Variants in SMAD5 observed in about 807,000 individuals in gnomAD.
SMAD5 encodes MAD, mothers against decapentaplegic homolog 5.
SMAD5 carries 9 observed loss-of-function variants against 43.1 expected under a neutral mutation model. That is an observed-to-expected ratio of 0.21 (90% confidence interval 0.13 to 0.36). The LOEUF is 0.36. Ranked by LOEUF, SMAD5 falls within the 10% of genes least tolerant of loss-of-function variation. SMAD5 has a pLI of 1.00. For missense variants in SMAD5, 348 were observed against 574.0 expected, an observed-to-expected ratio of 0.61 and a Z score of 4.02; for synonymous variants, 190 against 192.4, an observed-to-expected ratio of 0.99 and a Z score of 0.10.
chr5:136,150,984 G>A lies in SMAD5; in HGVS notation c.-169-2608G>A, dbSNP rs576889998. Among the ~76,000 whole-genome samples, 22 of 152,170 alleles carry A rather than the reference G, an allele frequency of 1.4e-4. No individual in the cohort carries two copies. The South Asian group carries it at 4.3e-3, about 30-fold the overall frequency. ...CAAGCCTATAATGCCATCAACTTGG[G>A]AGACTGAGTCTGGTGTGTTTCATTT... On this transcript the variant is annotated intron_variant, in intron 2 of 7. Coordinates refer to ENST00000545279, the MANE Select transcript of SMAD5 (RefSeq NM_005903.7).
intron 5 of SMAD5, among the ~76,000 whole-genome samples, chr5:136,167,719 A>G (rs1031553956): frequency 2.7e-5 from 4 of 150,916 alleles, no homozygotes; most frequent in Admixed American, 2.6e-4. Flanking sequence ...TGGAGGTTGC[A>G]GTGAGCCGAG....
At chr5:136,152,179 A>T (rs967697217) in intron 2 of SMAD5, among the ~76,000 whole-genome samples, 5 of 152,124 alleles carry the variant, frequency 3.3e-5, no homozygotes, top group African/African-American at 9.7e-5. Flanking sequence ...GATAGCTGCC[A>T]GTAGTTGATC....
rs904349810 is a variant in SMAD5, at chr5:136,175,190, A to G, written c.1254+558A>G. Among the ~76,000 whole-genome samples, 8 of 152,336 alleles carry G rather than the reference A, an allele frequency of 5.3e-5. No individual in the cohort carries two copies. In the East Asian group the frequency reaches 1.5e-3, roughly 29 times the overall value. On this transcript the variant is annotated intron_variant, in intron 7 of 7. Coordinates refer to ENST00000545279, the MANE Select transcript of SMAD5 (RefSeq NM_005903.7). ...GAACAGTATGGGGGAAACTGCCCCCATGATTCAGTTATCTCCCACTGGGTC... is the reference window on the plus strand; with the variant it reads ...GAACAGTATGGGGGAAACTGCCCCCGTGATTCAGTTATCTCCCACTGGGTC...
intron 1 of SMAD5, among the ~76,000 whole-genome samples, chr5:136,144,987 A>T (rs1429566720): frequency 1.3e-5 from 2 of 151,964 alleles, no homozygotes; most frequent in Non-Finnish European, 2.9e-5. Flanking sequence ...AAGAAAAAAA[A>T]AAGAGTTAAA....
chr5:136,149,559 T>C (rs1207733295), intron 2 of SMAD5, among the ~76,000 whole-genome samples: 3 of 151,748 alleles, frequency 2.0e-5, no homozygotes, highest in African/African-American at 7.3e-5. Flanking sequence ...GTTTTCTTTT[T>C]GCATTCATGT....
At chr5:136,134,053 GTGT>G (rs1561636035) in intron 1 of SMAD5, 1 of 32,054 alleles carries the variant, frequency 3.1e-5, no homozygotes, top group East Asian at 1.2e-3. Context: ...GGGGGGGGGG[GTGT>G]TGCGGGGGGA....
At chr5:136,173,602 G>A (rs531494569) in intron 6 of SMAD5, among the ~76,000 whole-genome samples, 1 of 151,950 alleles carries the variant, frequency 6.6e-6, no homozygotes, top group South Asian at 2.1e-4. Flanking sequence ...CACAGTAGAA[G>A]TAATTTAAGG....
chr5:136,158,497 A>G (rs1233134888), intron 3 of SMAD5, among the ~76,000 whole-genome samples: 2 of 152,204 alleles, frequency 1.3e-5, no homozygotes, highest in Non-Finnish European at 2.9e-5. Flanking sequence ...TAGGACACTA[A>G]TAGAGGATGA....
At chr5:136,172,769 C>G in intron 6 of SMAD5, 114 bp downstream of exon 6, 1 of 727,118 alleles carries the variant, frequency 1.4e-6, no homozygotes, top group Non-Finnish European at 2.4e-6. Context: ...CACGTGGCCT[C>G]TGCCTTAAGT....
At chr5:136,145,779 A>AAATGGAGAT (rs926358302) in intron 1 of SMAD5, among the ~76,000 whole-genome samples, 3 of 151,968 alleles carry the variant, frequency 2.0e-5, no homozygotes, top group Admixed American at 2.0e-4. Flanking sequence ...AAATAGGAAA[A>AAATGGAGAT]AATGGAGATT....
At chr5:136,176,660 T>C (rs1754432622) in intron 7 of SMAD5, among the ~76,000 whole-genome samples, 1 of 150,718 alleles carries the variant, frequency 6.6e-6, no homozygotes, top group Admixed American at 6.6e-5. Context: ...GTTAATATTG[T>C]ACTATTTTTA....
rs59855219 is a variant in SMAD5, at chr5:136,151,254, G to A, written c.-169-2338G>A. 1.8e-3 allele frequency among the ~76,000 whole-genome samples: 277 copies of A among 152,128 alleles called. 3 individuals carry two copies. In the East Asian group the frequency reaches 0.029, roughly 16 times the overall value. Reference sequence around the variant, plus strand: ...AAAGTAAATAAACAAAGTTGATAATGTAATATCAGATTAGGGTAAATGCTA... The same window carrying A: ...AAAGTAAATAAACAAAGTTGATAATATAATATCAGATTAGGGTAAATGCTA... On this transcript the variant is annotated intron_variant, in intron 2 of 7. Transcript: ENST00000545279.
At position 136,141,494 on chromosome 5, in the gene SMAD5, C is replaced by T. The variant is rs147815406; in HGVS notation, c.-244-6338C>T. 3.8e-3 allele frequency among the ~76,000 whole-genome samples: 578 copies of T among 152,202 alleles called. 1 individual carries two copies. The highest frequency in any genetic ancestry group is 5.3e-3 in the Non-Finnish European group (361 of 67,996). ...TATTCTGTGAAGGGAGATTCTGTCC[C>T]GTTTGCATTTTTGCTATTCCCACTC... On this transcript the variant is annotated intron_variant, in intron 1 of 7. Transcript: ENST00000545279.
chr5:136,163,785 AGTTT>A (rs1753905362), intron 5 of SMAD5, among the ~76,000 whole-genome samples: 1 of 152,188 alleles, frequency 6.6e-6, no homozygotes, highest in South Asian at 2.1e-4. Flanking sequence ...ATGTATCAAT[AGTTT>A]GTTCCTTTTT....
At chr5:136,174,305 C>A in intron 6 of SMAD5, 71 bp from the exon 7 acceptor site, 1 of 1,433,706 alleles carries the variant, frequency 7.0e-7, no homozygotes, top group Non-Finnish European at 9.7e-7. Context: ...ACTTTTGTTG[C>A]ACCATACAGT....
intron 2 of SMAD5, among the ~76,000 whole-genome samples, chr5:136,148,500 C>T (rs7716988): frequency 0.36 from 54,076 of 151,530 alleles, 10,538 homozygotes; most frequent in African/African-American, 0.53. Context: ...GGAAAGATTA[C>T]GTGTTATTCC....
intron 5 of SMAD5, among the ~76,000 whole-genome samples, chr5:136,163,763 C>T (rs992232158): frequency 6.6e-6 from 1 of 152,270 alleles, no homozygotes; most frequent in South Asian, 2.1e-4. Flanking sequence ...CAAGGTTCAT[C>T]CGTGTTGTAG....
chr5:136,178,177 G>T lies in SMAD5; in HGVS notation c.*697G>T, dbSNP rs559528259. On this transcript the variant is annotated 3_prime_UTR_variant, in exon 8 of 8. Transcript: ENST00000545279. ...TTTAAAAAAATTTTTGCAAATAACT[G>T]ATCTCAAGTATATGTCATTTACTCA... 6.6e-6 allele frequency: 1 copy of T among 152,640 alleles called. No homozygotes were observed. The highest frequency in any genetic ancestry group is 2.1e-4 in the South Asian group (1 of 4,830). The allele number at this position is 152,640 out of a possible 1,614,324, so 9.5% of individuals were successfully genotyped here.
chr5:136,176,148 T>A (rs1754406029), intron 7 of SMAD5, among the ~76,000 whole-genome samples: 1 of 151,298 alleles, frequency 6.6e-6, no homozygotes, highest in Non-Finnish European at 1.5e-5. Flanking sequence ...AAATAAAAAA[T>A]TTTTCGTTAA....
Sources: gnomAD v4.1 joint callset for allele counts (sites outside exome capture counted in the v4.1 genomes callset) on GRCh38, gnomAD v4.1.1 for gene constraint, MANE v1.5 for transcripts, NCBI Gene and HGNC (gene_info 2026-07-23, HGNC 2026-07-21) for gene names.